Variants in NEK11 observed in about 807,000 individuals in gnomAD.
NEK11 encodes the protein NIMA related kinase 11.
Under a neutral mutation model 80.7 loss-of-function variants are expected in NEK11, and 72 were observed. The ratio of observed to expected loss-of-function variants is 0.89; its 90% confidence interval spans 0.74 to 1.08. The LOEUF (loss-of-function observed/expected upper bound fraction) is 1.08, where lower values mean the gene tolerates loss of function less well. Among genes scored for constraint, NEK11 ranks in the 50% least tolerant of loss-of-function variants. The probability of loss-of-function intolerance (pLI) is 0.00; values close to 1 mark genes in which losing one functional copy is unlikely to be tolerated. For synonymous variants in NEK11, 251 were observed against 260.7 expected (o/e 0.96, Z 0.36); for missense variants, 764 against 763.6 (o/e 1.00, Z -0.01).
intron 4 of NEK11, among the ~76,000 whole-genome samples, chr3:131,108,207 G>A (rs1309518693): frequency 2.0e-5 from 3 of 152,034 alleles, no homozygotes; most frequent in East Asian, 1.9e-4. Flanking sequence ...TGCACTGTAA[G>A]GAAATAAAAA....
At chr3:131,138,464 C>G (rs758910254) in intron 7 of NEK11, among the ~76,000 whole-genome samples, 13 of 152,176 alleles carry the variant, frequency 8.5e-5, no homozygotes, top group Non-Finnish European at 1.6e-4. Flanking sequence ...ATCTCTGGAC[C>G]TGCCCAGGAC....
At chr3:131,123,546 T>G (rs1204310770) in intron 5 of NEK11, among the ~76,000 whole-genome samples, 1 of 152,210 alleles carries the variant, frequency 6.6e-6, no homozygotes, top group Non-Finnish European at 1.5e-5. Flanking sequence ...ATTACCACAG[T>G]GCCAGCTAAT....
At chr3:131,220,208 C>T (rs537655570) in intron 14 of NEK11, among the ~76,000 whole-genome samples, 25 of 152,124 alleles carry the variant, frequency 1.6e-4, no homozygotes, top group African/African-American at 5.8e-4. Flanking sequence ...AGCACAATGC[C>T]TATGTCTGTG....
At chr3:131,030,617 T>A (rs1469131667) in intron 3 of NEK11, among the ~76,000 whole-genome samples, 1 of 152,248 alleles carries the variant, frequency 6.6e-6, no homozygotes, top group Non-Finnish European at 1.5e-5. Context: ...TCTTTGGGCT[T>A]TCCATGGCGA....
intron 16 of NEK11, among the ~76,000 whole-genome samples, chr3:131,268,838 G>T (rs1235309894): frequency 6.6e-6 from 1 of 152,246 alleles, no homozygotes; most frequent in Non-Finnish European, 1.5e-5. Context: ...AGCAGGCAGG[G>T]ACGTTTAAGT....
intron 17 of NEK11, among the ~76,000 whole-genome samples, chr3:131,338,881 G>A (rs937731251): frequency 2.0e-5 from 3 of 152,206 alleles, no homozygotes; most frequent in Admixed American, 1.3e-4. Context: ...TCTGGAGTGT[G>A]ATGAAATTGC....
At chr3:131,162,815 G>A (rs1421959060) in intron 11 of NEK11, among the ~76,000 whole-genome samples, 2 of 152,168 alleles carry the variant, frequency 1.3e-5, no homozygotes, top group Non-Finnish European at 2.9e-5. Flanking sequence ...TCTCATTGTT[G>A]TTGACAGCTT....
At chr3:131,109,266 G>C (rs1052520080) in intron 4 of NEK11, 2 of 152,112 alleles carry the variant, frequency 1.3e-5, no homozygotes, top group Non-Finnish European at 2.9e-5. Context: ...TGGGTATTCA[G>C]GGAGAATAAG....
intron 3 of NEK11, among the ~76,000 whole-genome samples, chr3:131,077,747 C>T (rs1029683768): frequency 3.9e-5 from 6 of 152,164 alleles, no homozygotes; most frequent in African/African-American, 1.4e-4. Context: ...TTGTGCTTCG[C>T]CTGCTGCTTT....
intron 14 of NEK11, among the ~76,000 whole-genome samples, chr3:131,204,231 C>T (rs569608895): frequency 2.0e-5 from 3 of 152,248 alleles, no homozygotes; most frequent in East Asian, 1.9e-4. Context: ...GGCATGGATG[C>T]TCCATGCCAC....
In NEK11 at chr3:131,228,126, A is replaced by G. The variant is rs151152952; in HGVS notation, c.1400-402A>G. ...AAAATGCTGTGGTAGTTTTGCTCCA[A>G]CTTCCTATGCTAAAAACTTTATGTG... On this transcript the variant is annotated intron_variant, in intron 14 of 17. Transcript: ENST00000383366. 2.2e-4 allele frequency among the ~76,000 whole-genome samples: 34 copies of G among 152,274 alleles called. No individual in the cohort carries two copies. In the East Asian group the frequency reaches 6.6e-3, roughly 29 times the overall value.
At chr3:131,072,514 G>A (rs1254420481) in intron 3 of NEK11, among the ~76,000 whole-genome samples, 3 of 152,122 alleles carry the variant, frequency 2.0e-5, no homozygotes, top group Non-Finnish European at 4.4e-5. Context: ...CAATAAGGAG[G>A]CCACAATATT....
At chr3:131,336,205 C>G (rs1463349261) in intron 17 of NEK11, among the ~76,000 whole-genome samples, 1 of 152,214 alleles carries the variant, frequency 6.6e-6, no homozygotes, top group Non-Finnish European at 1.5e-5. Context: ...ATCACGCTAC[C>G]TGACTTCAAA....
chr3:131,052,882 A>G (rs971065298), intron 3 of NEK11, among the ~76,000 whole-genome samples: 2 of 152,210 alleles, frequency 1.3e-5, no homozygotes, highest in African/African-American at 4.8e-5. Flanking sequence ...GGGTTCCACA[A>G]CATTGAACCA....
At chr3:131,238,292 C>G (rs1302001799) in intron 15 of NEK11, among the ~76,000 whole-genome samples, 2 of 152,150 alleles carry the variant, frequency 1.3e-5, no homozygotes, top group East Asian at 3.9e-4. Flanking sequence ...GCCACTATTG[C>G]TTATTCTTTT....
At chr3:131,028,686 C>A (rs900974090) in intron 2 of NEK11, among the ~76,000 whole-genome samples, 3 of 152,132 alleles carry the variant, frequency 2.0e-5, no homozygotes, top group Non-Finnish European at 4.4e-5. Flanking sequence ...CTCAGCCTCC[C>A]GAGTAGCTGG....
At chr3:131,206,728 G>C (rs2094450550) in intron 14 of NEK11, among the ~76,000 whole-genome samples, 1 of 152,116 alleles carries the variant, frequency 6.6e-6, no homozygotes, top group African/African-American at 2.4e-5. Context: ...GTGCAGGTTT[G>C]TTACATATGT....
intron 3 of NEK11, among the ~76,000 whole-genome samples, chr3:131,066,532 G>A (rs766736927): frequency 6.6e-6 from 1 of 151,972 alleles, no homozygotes; most frequent in Non-Finnish European, 1.5e-5. Context: ...TTAGATGCCC[G>A]GGATTTGGAA....
chr3:131,333,749 C>T lies in NEK11; in HGVS notation c.1719-15808C>T, dbSNP rs556156687. 2.0e-3 allele frequency among the ~76,000 whole-genome samples: 305 copies of T among 152,090 alleles called. 2 individuals are homozygous for T. Among genetic ancestry groups the T allele is most frequent in the Non-Finnish European group, 3.8e-3 (258 of 68,042 alleles). On this transcript the variant is annotated intron_variant, in intron 17 of 17. Coordinates refer to ENST00000383366, the MANE Select transcript of NEK11 (RefSeq NM_024800.5). ...TCTCATGTGCTGAGACACACATAGGCTCAAAATAAAAGGATGGAGGAAGAT... is the reference window on the plus strand; with the variant it reads ...TCTCATGTGCTGAGACACACATAGGTTCAAAATAAAAGGATGGAGGAAGAT...
Sources: gnomAD v4.1 joint callset for allele counts (sites outside exome capture counted in the v4.1 genomes callset) on GRCh38, gnomAD v4.1.1 for gene constraint, MANE v1.5 for transcripts, NCBI Gene and HGNC (gene_info 2026-07-23, HGNC 2026-07-21) for gene names.